Variants in JMJD1C observed in about 807,000 individuals in gnomAD.
The protein encoded by JMJD1C is jumonji domain-containing protein 1C.
In JMJD1C, 31 loss-of-function variants were observed where a neutral mutation model predicts 245.3. The ratio of observed to expected loss-of-function variants is 0.13; its 90% CI spans 0.09 to 0.17. The LOEUF (loss-of-function observed/expected upper bound fraction) is 0.17. Ranked by LOEUF, JMJD1C falls within the 10% of genes least tolerant of loss-of-function variation. The pLI, the probability that JMJD1C is intolerant of heterozygous loss-of-function variation, is 1.00. For missense variants in JMJD1C, 2,691 were observed against 3,000.2 expected (o/e 0.90, Z 2.41); for synonymous variants, 1,057 against 1,017.4 (o/e 1.04, Z -0.74).
intron 1 of JMJD1C, among the ~76,000 whole-genome samples, chr10:63,421,578 T>C (rs760790995): frequency 2.0e-5 from 3 of 152,164 alleles, no homozygotes; most frequent in Non-Finnish European, 4.4e-5. Flanking sequence ...TTTGTTATTA[T>C]TTTGAACTGC....
intron 1 of JMJD1C, among the ~76,000 whole-genome samples, chr10:63,501,634 G>C (rs1306395840): frequency 2.0e-5 from 3 of 152,252 alleles, no homozygotes; most frequent in Admixed American, 6.5e-5. Flanking sequence ...AAATTAGCCA[G>C]GCATGGTGGC....
chr10:63,305,457 A>ACCCT (rs1554880629), intron 2 of JMJD1C, among the ~76,000 whole-genome samples: 8 of 37,212 alleles, frequency 2.1e-4, no homozygotes, highest in Non-Finnish European at 3.8e-4. Flanking sequence ...AGACGCTCTG[A>ACCCT]CCCTCTCTCT....
chr10:63,466,015 G>A (rs1299076143), upstream of JMJD1C: 1 of 253,922 alleles, frequency 3.9e-6, no homozygotes, highest in Non-Finnish European at 7.6e-6. Flanking sequence ...GGCGCGCAGC[G>A]CGTCTCCTTC....
intron 13 of JMJD1C, among the ~76,000 whole-genome samples, chr10:63,195,737 G>A (rs1267463023): frequency 6.6e-6 from 1 of 150,882 alleles, no homozygotes; most frequent in African/African-American, 2.4e-5. Flanking sequence ...TCAGGAGATC[G>A]AGACCACGGT....
In JMJD1C at chr10:63,465,496, G is replaced by T. The variant is rs372268743; in HGVS notation, c.167C>A (p.Ala56Glu). 4 of 1,600,764 alleles carry T rather than the reference G, an allele frequency of 2.5e-6. No homozygotes were observed. The highest frequency in any genetic ancestry group is 2.6e-6 in the Non-Finnish European group (3 of 1,176,218). ...AAAGGGGGGCGCTGACTCTCTTACC[G>T]CCAGGTCCGGATTGCGGCTGTCCCT... ...SHRDSRNPDLAVYVEFDDLEW... is the reference protein window; with the variant it reads ...SHRDSRNPDLEVYVEFDDLEW... Residue 56 changes from alanine (A) to glutamate (E), a missense_variant and splice_region_variant, in exon 1 of 26, where the codon GCG (alanine) becomes GAG (glutamate). Ala to Glu is a moderately radical substitution (Grantham distance 107, BLOSUM62 -1). Coordinates refer to ENST00000399262, the MANE Select transcript of JMJD1C (RefSeq NM_032776.3).
intron 1 of JMJD1C, among the ~76,000 whole-genome samples, chr10:63,499,176 C>A (rs1740633510): frequency 6.6e-6 from 1 of 152,160 alleles, no homozygotes; most frequent in African/African-American, 2.4e-5. Context: ...CTGCAATGAA[C>A]ACAGGAGTGC....
At chr10:63,422,134 G>A (rs1306806887) in intron 1 of JMJD1C, among the ~76,000 whole-genome samples, 4 of 152,162 alleles carry the variant, frequency 2.6e-5, no homozygotes, top group Non-Finnish European at 5.9e-5. Context: ...AGAAGGGGCT[G>A]GGCGCAGCGG....
intron 1 of JMJD1C, among the ~76,000 whole-genome samples, chr10:63,387,628 A>ATTTTTTTT (rs1564863555): frequency 3.2e-4 from 6 of 18,596 alleles, no homozygotes; most frequent in South Asian, 3.3e-3. Context: ...AGAAAAAAAA[A>ATTTTTTTT]ATTTTTTTTT....
In JMJD1C at chr10:63,209,211, G is replaced by C; in HGVS notation, c.2719C>G (p.Gln907Glu). 6.2e-7 allele frequency: 1 copy of C among 1,610,322 alleles called. No individual in the cohort carries two copies. The highest frequency in any genetic ancestry group is 8.5e-7 in the Non-Finnish European group (1 of 1,178,374). The change falls in exon 9 of 26, where the codon CAG (glutamine) becomes GAG (glutamate). Residue 907 changes from glutamine to glutamate, a missense_variant. Coordinates refer to ENST00000399262, the MANE Select transcript of JMJD1C (RefSeq NM_032776.3). ...RRNSPSPWLH[Q>E]PTPVTSADGI... ...TCTGCTGAGGTCACAGGGGTGGGCT[G>C]ATGTAGCCAAGGACTGGGAGAATTC...
rs572527082 is a variant in JMJD1C, at chr10:63,449,100, G to C, written c.168+16395C>G. Among the ~76,000 whole-genome samples, 40 of 152,144 alleles carry C rather than the reference G, an allele frequency of 2.6e-4. 1 individual carries two copies. Among genetic ancestry groups the C allele is most frequent in the Middle Eastern group, 3.4e-3 (1 of 294 alleles). On this transcript the variant is annotated intron_variant, in intron 1 of 25. Transcript: ENST00000399262. ...CCACTGCACTCCAGCCTTGATGACA[G>C]AGCAAGACTCCGTCTCAAAAATAAA...
chr10:63,495,272 C>CA (rs1030212613), intron 1 of JMJD1C, among the ~76,000 whole-genome samples: 98 of 137,364 alleles, frequency 7.1e-4, no homozygotes, highest in African/African-American at 2.0e-3. Flanking sequence ...GGGATTATCT[C>CA]AAAAAAAAAA....
chr10:63,519,909 T>C (rs1451683594), intron 1 of JMJD1C, among the ~76,000 whole-genome samples: 1 of 152,224 alleles, frequency 6.6e-6, no homozygotes, highest in African/African-American at 2.4e-5. Context: ...TTGAGTTTTA[T>C]TGAACAAGAG....
At chr10:63,261,717 C>T (rs531545142) in intron 3 of JMJD1C, among the ~76,000 whole-genome samples, 4 of 152,316 alleles carry the variant, frequency 2.6e-5, no homozygotes, top group African/African-American at 9.6e-5. Flanking sequence ...CCTGACTCAT[C>T]TGTTTCCTAA....
At chr10:63,400,574 C>A (rs1471963890) in intron 1 of JMJD1C, among the ~76,000 whole-genome samples, 1 of 152,038 alleles carries the variant, frequency 6.6e-6, no homozygotes, top group East Asian at 1.9e-4. Flanking sequence ...GCCTTTCCCC[C>A]GGCCCCGAGA....
chr10:63,471,942 G>A lies in JMJD1C; in HGVS notation n.113+49796C>T, dbSNP rs190940467. Among the ~76,000 whole-genome samples the A allele has an allele frequency of 1.8e-3, 280 of 152,272 alleles. 2 individuals carry two copies. Among genetic ancestry groups the A allele is most frequent in the African/African-American group, 6.5e-3 (270 of 41,570 alleles). ...AGTGCCAACTACTCGGGAGGCTAAG[G>A]GAGGGGAATCACTTGAACGCGGGAA... On this transcript the variant is annotated intron_variant and non_coding_transcript_variant, in intron 1 of 3. Transcript: ENST00000633035.
intron 2 of JMJD1C, among the ~76,000 whole-genome samples, chr10:63,339,860 A>G (rs1300660442): frequency 6.6e-6 from 1 of 152,136 alleles, no homozygotes; most frequent in Non-Finnish European, 1.5e-5. Context: ...TGACTGCAAG[A>G]TTTTTTTACT....
At chr10:63,219,825 T>A in intron 4 of JMJD1C, 53 bp downstream of exon 4, 2 of 1,253,526 alleles carry the variant, frequency 1.6e-6, no homozygotes, top group South Asian at 2.5e-5. Context: ...AAAACAAATA[T>A]GATAAGTTGC....
At chr10:63,232,602 G>A (rs914225954) in intron 3 of JMJD1C, among the ~76,000 whole-genome samples, 4 of 151,938 alleles carry the variant, frequency 2.6e-5, no homozygotes, top group African/African-American at 9.7e-5. Flanking sequence ...TATATATCCA[G>A]ATATTTCAGG....
chr10:63,439,800 A>G (rs368074967), intron 1 of JMJD1C, among the ~76,000 whole-genome samples: 81 of 152,336 alleles, frequency 5.3e-4, no homozygotes, highest in African/African-American at 1.9e-3. Context: ...CACTTCACTG[A>G]CATATATACT....
Sources: gnomAD v4.1 joint callset for allele counts (sites outside exome capture counted in the v4.1 genomes callset) on GRCh38, gnomAD v4.1.1 for gene constraint, MANE v1.5 for transcripts, NCBI Gene and HGNC (gene_info 2026-07-23, HGNC 2026-07-21) for gene names.